ASAP1: variants seen among roughly 807,000 people sequenced by gnomAD.
ASAP1 encodes arf-GAP with SH3 domain, ANK repeat and PH domain-containing protein 1.
Under a neutral mutation model 145.2 loss-of-function variants are expected in ASAP1, and 43 were observed. The observed-to-expected ratio is 0.30, with a 90% CI of 0.23 to 0.38. The LOEUF (loss-of-function observed/expected upper bound fraction) is 0.38. Among genes scored for constraint, ASAP1 ranks in the 10% least tolerant of loss-of-function variants. The probability of loss-of-function intolerance (pLI) is 1.00; values close to 1 mark genes in which losing one functional copy is unlikely to be tolerated. For synonymous variants in ASAP1, 546 were observed against 515.5 expected, an observed-to-expected ratio of 1.06 and a Z score of -0.80; for missense variants, 1,018 against 1,355.3, an observed-to-expected ratio of 0.75 and a Z score of 3.91.
intron 24 of ASAP1, among the ~76,000 whole-genome samples, chr8:130,108,757 G>GTTTTTTTTTTTTTT (rs10568607): frequency 1.9e-5 from 1 of 51,560 alleles, no homozygotes. Flanking sequence ...TCAAAAACCA[G>GTTTTTTTTTTTTTT]TTTTTTTTTT....
At chr8:130,080,548 T>C (rs1364359955) in intron 25 of ASAP1, among the ~76,000 whole-genome samples, 1 of 150,630 alleles carries the variant, frequency 6.6e-6, no homozygotes, top group African/African-American at 2.4e-5. Flanking sequence ...CAATCATGGC[T>C]CACTGTAGCC....
At chr8:130,141,448 T>G (rs1197227344) in intron 13 of ASAP1, among the ~76,000 whole-genome samples, 1 of 152,134 alleles carries the variant, frequency 6.6e-6, no homozygotes, top group Non-Finnish European at 1.5e-5. Flanking sequence ...GAGGAGGCGG[T>G]ACCTGGCCTG....
chr8:130,366,679 T>C (rs1432907754), intron 2 of ASAP1, among the ~76,000 whole-genome samples: 1 of 152,136 alleles, frequency 6.6e-6, no homozygotes, highest in Non-Finnish European at 1.5e-5. Flanking sequence ...TAACAGGATT[T>C]GTTACCTTAG....
intron 16 of ASAP1, among the ~76,000 whole-genome samples, chr8:130,126,592 A>C (rs2097575337): frequency 6.6e-6 from 1 of 152,160 alleles, no homozygotes; most frequent in Admixed American, 6.5e-5. Flanking sequence ...CCTTTTTTCT[A>C]CAACCTCCAA....
chr8:130,072,824 T>TGTGTGTGTGTGTGTGTGCGCGCGCGC, intron 27 of ASAP1, among the ~76,000 whole-genome samples: 33 of 32,282 alleles, frequency 1.0e-3, no homozygotes, highest in South Asian at 3.4e-3. Flanking sequence ...TGTGTGTGTG[T>TGTGTGTGTGTGTGTGTGCGCGCGCGC]GCGCGCGGGG....
intron 3 of ASAP1, among the ~76,000 whole-genome samples, chr8:130,259,518 AAAG>A (rs1819766939): frequency 6.6e-6 from 1 of 152,200 alleles, no homozygotes; most frequent in Admixed American, 6.5e-5. Context: ...AACAACAAAA[AAAG>A]CAGGGCTCTG....
At chr8:130,330,428 G>GTATA (rs1824610011) in intron 3 of ASAP1, among the ~76,000 whole-genome samples, 5 of 152,230 alleles carry the variant, frequency 3.3e-5, no homozygotes, top group African/African-American at 1.2e-4. Flanking sequence ...GCTCTGACCG[G>GTATA]TCTATGCTAT....
At chr8:130,194,625 G>C (rs1482698873) in intron 5 of ASAP1, among the ~76,000 whole-genome samples, 1 of 152,146 alleles carries the variant, frequency 6.6e-6, no homozygotes, top group Non-Finnish European at 1.5e-5. Flanking sequence ...GGCAGGGGTT[G>C]GGGGAGCTGT....
At chr8:130,226,043 C>T (rs112310636) in intron 4 of ASAP1, among the ~76,000 whole-genome samples, 3,017 of 140,020 alleles carry the variant, frequency 0.022, 100 homozygotes, top group African/African-American at 0.074. Flanking sequence ...CCATGCTTGG[C>T]TTTTTTTTTT....
chr8:130,273,164 G>C (rs1483128745), intron 3 of ASAP1, among the ~76,000 whole-genome samples: 1 of 152,088 alleles, frequency 6.6e-6, no homozygotes, highest in African/African-American at 2.4e-5. Context: ...TAATCTAATG[G>C]AGAAAGATAA....
intron 2 of ASAP1, among the ~76,000 whole-genome samples, chr8:130,359,212 C>A (rs1202264334): frequency 6.7e-6 from 1 of 149,312 alleles, no homozygotes; most frequent in Non-Finnish European, 1.5e-5. Context: ...TTCATTTGCA[C>A]TTTTTTTTTT....
chr8:130,193,835 C>T (rs1330851385), intron 5 of ASAP1, among the ~76,000 whole-genome samples: 1 of 152,178 alleles, frequency 6.6e-6, no homozygotes, highest in African/African-American at 2.4e-5. Flanking sequence ...ACTGACCACA[C>T]ACCAAACACA....
At chr8:130,192,301 G>A (rs941741403) in intron 5 of ASAP1, among the ~76,000 whole-genome samples, 3 of 144,936 alleles carry the variant, frequency 2.1e-5, no homozygotes, top group African/African-American at 7.6e-5. Context: ...TATCAACTAT[G>A]TCTATTAGCT....
At chr8:130,342,656 C>T (rs1488158726) in intron 3 of ASAP1, among the ~76,000 whole-genome samples, 2 of 152,178 alleles carry the variant, frequency 1.3e-5, no homozygotes, top group Non-Finnish European at 2.9e-5. Context: ...ACGTAACAAA[C>T]TCACATGACA....
At chr8:130,079,137 G>C (rs1185343963) in intron 26 of ASAP1, among the ~76,000 whole-genome samples, 1 of 152,212 alleles carries the variant, frequency 6.6e-6, no homozygotes, top group Non-Finnish European at 1.5e-5. Flanking sequence ...TGAGGCTACA[G>C]TGAGCTGTGC....
At chr8:130,243,737 C>CT (rs924008713) in intron 3 of ASAP1, among the ~76,000 whole-genome samples, 2 of 152,182 alleles carry the variant, frequency 1.3e-5, no homozygotes, top group Non-Finnish European at 1.5e-5. Flanking sequence ...TACCTTCTCT[C>CT]TTTTTTTCTG....
chr8:130,069,843 C>A (rs187276513), intron 27 of ASAP1, among the ~76,000 whole-genome samples: 194 of 152,270 alleles, frequency 1.3e-3, no homozygotes, highest in Middle Eastern at 3.4e-3. Context: ...GCAGACTAAT[C>A]AAAATAAAGA....
intron 5 of ASAP1, among the ~76,000 whole-genome samples, chr8:130,194,377 G>A (rs1266933453): frequency 4.0e-5 from 6 of 150,400 alleles, no homozygotes; most frequent in African/African-American, 1.5e-4. Context: ...TTCACTGGGG[G>A]GAGCAAAAAA....
chr8:130,411,968 G>C (rs1829282676), intron 1 of ASAP1, among the ~76,000 whole-genome samples: 1 of 152,180 alleles, frequency 6.6e-6, no homozygotes, highest in Non-Finnish European at 1.5e-5. Context: ...GGTCTGCATG[G>C]AAAGGAGTTT....
Sources: gnomAD v4.1 joint callset for allele counts (sites outside exome capture counted in the v4.1 genomes callset) on GRCh38, gnomAD v4.1.1 for gene constraint, MANE v1.5 for transcripts, NCBI Gene and HGNC (gene_info 2026-07-23, HGNC 2026-07-21) for gene names.